BRD10: variants seen among roughly 807,000 people sequenced by gnomAD.
BRD10 encodes the protein uncharacterized bromodomain-containing protein 10.
chr9:5,982,058 T>C, the BRD10 span, among the ~76,000 whole-genome samples: 208 of 151,790 alleles, frequency 1.4e-3, no homozygotes, highest in African/African-American at 4.7e-3. Context: ...TGTGTGTGTA[T>C]ATATATATAT....
At chr9:5,940,121 T>C in the BRD10 span, among the ~76,000 whole-genome samples, 1 of 141,640 alleles carries the variant, frequency 7.1e-6, no homozygotes, top group African/African-American at 2.7e-5. Context: ...ACTTGAAATT[T>C]CTTTCTTTTT....
the BRD10 span, among the ~76,000 whole-genome samples, chr9:5,886,407 G>C: frequency 6.6e-6 from 1 of 152,216 alleles, no homozygotes; most frequent in South Asian, 2.1e-4. Context: ...GTTGCTAGGC[G>C]TATTCTGTGC....
At chr9:5,939,560 T>A in the BRD10 span, among the ~76,000 whole-genome samples, 207 of 152,350 alleles carry the variant, frequency 1.4e-3, 5 homozygotes, top group East Asian at 0.028. Flanking sequence ...TAATTAGAAG[T>A]ATATTATGTA....
the BRD10 span, among the ~76,000 whole-genome samples, chr9:5,915,209 C>T: frequency 6.6e-6 from 1 of 152,138 alleles, no homozygotes; most frequent in African/African-American, 2.4e-5. Flanking sequence ...TCATCTCTAG[C>T]ATTACTAGAT....
the BRD10 span, among the ~76,000 whole-genome samples, chr9:5,883,462 C>CTTCTT: frequency 9.8e-6 from 1 of 102,410 alleles, no homozygotes; most frequent in African/African-American, 3.7e-5. Context: ...CCTTCTTCTT[C>CTTCTT]TTTTTTTTTT....
chr9:6,008,271 C>G, the BRD10 span: 1 of 984,526 alleles, frequency 1.0e-6, no homozygotes, highest in South Asian at 4.7e-5. Context: ...CCCCTCCCGC[C>G]CCCCTCTACC....
chr9:5,920,434 C>A, the BRD10 span: 2 of 1,613,894 alleles, frequency 1.2e-6, no homozygotes, highest in Non-Finnish European at 1.7e-6. Flanking sequence ...TGGATGGTGC[C>A]GAAGCCGTGT....
At chr9:5,922,540 A>C in the BRD10 span, 8 of 1,613,988 alleles carry the variant, frequency 5.0e-6, no homozygotes, top group Non-Finnish European at 6.8e-6. Context: ...AGTTGACAAA[A>C]ACTGATGCTA....
At chr9:5,881,498 G>C in the BRD10 span, 1 of 152,372 alleles carries the variant, frequency 6.6e-6, no homozygotes, top group East Asian at 1.9e-4. Flanking sequence ...GGAAGAGGGA[G>C]GCTTGGAGAC....
the BRD10 span, among the ~76,000 whole-genome samples, chr9:5,969,620 T>G: frequency 6.6e-6 from 1 of 152,218 alleles, no homozygotes; most frequent in Non-Finnish European, 1.5e-5. Flanking sequence ...CTCAGCTCAC[T>G]GCAACCTCTG....
the BRD10 span, among the ~76,000 whole-genome samples, chr9:5,973,771 A>C: frequency 6.6e-6 from 1 of 152,080 alleles, no homozygotes; most frequent in East Asian, 1.9e-4. Context: ...GGTCCCAGCT[A>C]TTCAGGAGGG....
chr9:5,898,998 C>T, the BRD10 span: 1 of 152,178 alleles, frequency 6.6e-6, no homozygotes, highest in Admixed American at 6.5e-5. Context: ...TACCAGTATC[C>T]TCCATGAATG....
the BRD10 span, among the ~76,000 whole-genome samples, chr9:5,925,614 A>T: frequency 6.6e-6 from 1 of 152,174 alleles, no homozygotes; most frequent in Non-Finnish European, 1.5e-5. Flanking sequence ...TGTGACTATC[A>T]TACAGAGAGT....
At chr9:5,979,575 A>C in the BRD10 span, among the ~76,000 whole-genome samples, 1 of 152,164 alleles carries the variant, frequency 6.6e-6, no homozygotes, top group African/African-American at 2.4e-5. Flanking sequence ...GCAAAAAAGG[A>C]ACAATGAACA....
At chr9:6,005,531 T>C in the BRD10 span, among the ~76,000 whole-genome samples, 1 of 152,194 alleles carries the variant, frequency 6.6e-6, no homozygotes, top group Non-Finnish European at 1.5e-5. Flanking sequence ...AAATGTTTAT[T>C]ACACACAGAG....
At chr9:5,920,604 G>A in the BRD10 span, 1 of 1,613,876 alleles carries the variant, frequency 6.2e-7, no homozygotes. Flanking sequence ...ACATTTGTTG[G>A]CACTGTAGTT....
At chr9:5,882,426 G>A in the BRD10 span, among the ~76,000 whole-genome samples, 1 of 152,270 alleles carries the variant, frequency 6.6e-6, no homozygotes, top group African/African-American at 2.4e-5. Flanking sequence ...AATCAAAATG[G>A]AGTCACTAAT....
the BRD10 span, among the ~76,000 whole-genome samples, chr9:5,935,895 A>T: frequency 4.1e-4 from 63 of 152,340 alleles, no homozygotes; most frequent in African/African-American, 1.5e-3. Context: ...AAGGTTATTT[A>T]AAAACTGATT....
the BRD10 span, among the ~76,000 whole-genome samples, chr9:5,882,462 C>A: frequency 4.6e-5 from 7 of 152,256 alleles, no homozygotes; most frequent in Non-Finnish European, 8.8e-5. Flanking sequence ...ACAAATTGAA[C>A]CCTGACAAAT....
Sources: gnomAD v4.1 joint callset for allele counts (sites outside exome capture counted in the v4.1 genomes callset) on GRCh38, gnomAD v4.1.1 for gene constraint, MANE v1.5 for transcripts, NCBI Gene and HGNC (gene_info 2026-07-23, HGNC 2026-07-21) for gene names.